Variants in AKR1A1 observed in about 807,000 individuals in gnomAD.
AKR1A1 encodes aldo-keto reductase family 1 member A1.
Under a neutral mutation model 39.2 loss-of-function variants are expected in AKR1A1, and 26 were observed. The ratio of observed to expected loss-of-function variants is 0.66; its 90% CI spans 0.49 to 0.92. AKR1A1 has a LOEUF of 0.92. Ranked by LOEUF, AKR1A1 falls within the 40% of genes least tolerant of loss-of-function variation. The pLI is 0.00. For synonymous variants in AKR1A1, 141 were observed against 155.5 expected, an observed-to-expected ratio of 0.91 and a Z score of 0.69; for missense variants, 378 against 406.5, an observed-to-expected ratio of 0.93 and a Z score of 0.60.
intron 2 of AKR1A1, among the ~76,000 whole-genome samples, chr1:45,562,941 G>A (rs1176471196): frequency 6.6e-6 from 1 of 151,838 alleles, no homozygotes; most frequent in East Asian, 2.0e-4. Context: ...GCAACACAGT[G>A]AGACCCCCGT....
intron 1 of AKR1A1, among the ~76,000 whole-genome samples, chr1:45,558,941 T>C (rs1644242830): frequency 6.6e-6 from 1 of 152,238 alleles, no homozygotes; most frequent in Non-Finnish European, 1.5e-5. Context: ...GTGATATTCA[T>C]GGTACTGATG....
intron 4 of AKR1A1, chr1:45,567,770 T>C: frequency 4.8e-6 from 2 of 415,310 alleles, no homozygotes; most frequent in South Asian, 7.0e-5. Flanking sequence ...GAGCTTGCAG[T>C]GAGCTGAGAT....
intron 1 of AKR1A1, among the ~76,000 whole-genome samples, chr1:45,555,518 C>T (rs1227606236): frequency 6.6e-6 from 1 of 152,064 alleles, no homozygotes; most frequent in East Asian, 1.9e-4. Context: ...ACCTATTTAC[C>T]TAGCATTTAG....
chr1:45,561,950 T>C, intron 2 of AKR1A1, 72 bp downstream of exon 2: 1 of 1,457,368 alleles, frequency 6.9e-7, no homozygotes, highest in Non-Finnish European at 9.6e-7. Context: ...CCCACCCCCA[T>C]ACTCCCCTTC....
intron 1 of AKR1A1, among the ~76,000 whole-genome samples, chr1:45,560,639 T>C (rs1381397714): frequency 2.0e-5 from 3 of 151,966 alleles, no homozygotes. Context: ...TAGGACTCCC[T>C]TTACCTCCCT....
In AKR1A1 at chr1:45,566,958, T is replaced by G; in HGVS notation, c.294T>G (p.Thr98=). 6.2e-7 allele frequency: 1 copy of G among 1,613,930 alleles called. No homozygotes were observed. Among genetic ancestry groups the G allele is most frequent in the Non-Finnish European group, 8.5e-7 (1 of 1,179,936 alleles). ...PEDVEPALRK[T]LADLQLEYLD... ...ATGTGGAGCCTGCCCTCCGGAAGAC[T>G]CTGGCTGACCTCCAGCTGGAGTATC... Residue 98 remains threonine, a synonymous_variant, in exon 4 of 9, where the codon ACT becomes ACG. Transcript: ENST00000351829.
chr1:45,566,372 C>T (rs1235958018), intron 2 of AKR1A1, among the ~76,000 whole-genome samples, 197 bp from the exon 3 acceptor site: 3 of 152,154 alleles, frequency 2.0e-5, no homozygotes, highest in Middle Eastern at 3.2e-3. Context: ...AGGGGATCTG[C>T]CCACCTCAGC....
chr1:45,568,027 C>A lies in AKR1A1; in HGVS notation c.402C>A (p.Cys134Ter), dbSNP rs1263331580. 1 of 1,613,900 alleles carries A rather than the reference C, an allele frequency of 6.2e-7. No homozygotes were observed. Reference protein sequence around the residue: ...PFPKNADGTICYDSTHYKETW... With the variant: ...PFPKNADGTI ...CCAAGAATGCTGATGGGACTATATGCTACGACTCCACCCACTACAAGGAGA... is the reference window on the plus strand; with the variant it reads ...CCAAGAATGCTGATGGGACTATATGATACGACTCCACCCACTACAAGGAGA... The change falls in exon 5 of 9, where the codon TGC becomes TGA. Residue 134 changes from cysteine to a stop codon, truncating the protein, a stop_gained. Coordinates refer to ENST00000351829, the MANE Select transcript of AKR1A1 (RefSeq NM_153326.3). LOFTEE classifies it high-confidence loss of function.
At position 45,568,920 on chromosome 1, in the gene AKR1A1, A is replaced by G; in HGVS notation, c.753-7A>G. ...CTTTTCCTCATCTGTCTAATCCCCC[A>G]ACTTAGGTGGCAGGTCCAGCGGAAA... On this transcript the variant is annotated splice_polypyrimidine_tract_variant and splice_region_variant and intron_variant, in intron 6 of 8. Transcript: ENST00000351829. The G allele has an allele frequency of 6.2e-7, 1 of 1,614,122 alleles. No individual in the cohort carries two copies. Among genetic ancestry groups the G allele is most frequent in the African/African-American group, 1.3e-5 (1 of 75,042 alleles).
At chr1:45,561,596 G>A (rs1257689542) in intron 1 of AKR1A1, among the ~76,000 whole-genome samples, 193 bp from the exon 2 acceptor site, 1 of 152,142 alleles carries the variant, frequency 6.6e-6, no homozygotes, top group Non-Finnish European at 1.5e-5. Context: ...TAGAGATGGG[G>A]TTTTACCATG....
At chr1:45,554,586 A>G (rs1048931533) in intron 1 of AKR1A1, among the ~76,000 whole-genome samples, 1 of 152,214 alleles carries the variant, frequency 6.6e-6, no homozygotes, top group Non-Finnish European at 1.5e-5. Context: ...CTCAAAAAGA[A>G]AAGTACAGGA....
chr1:45,568,687 A>G lies in AKR1A1; in HGVS notation c.752+3A>G. On this transcript the variant is annotated splice_donor_region_variant and intron_variant, in intron 6 of 8. Transcript: ENST00000351829. ...TCTCCAGCTCAGATCTTGCTCAGGTATGGGGCAGTCTTAGGGAGAGGGCCC... is the reference window on the plus strand; with the variant it reads ...TCTCCAGCTCAGATCTTGCTCAGGTGTGGGGCAGTCTTAGGGAGAGGGCCC... The G allele has an allele frequency of 1.2e-6, 2 of 1,613,216 alleles. No individual in the cohort carries two copies. Among genetic ancestry groups the G allele is most frequent in the Non-Finnish European group, 1.7e-6 (2 of 1,179,854 alleles).
intron 7 of AKR1A1, 54 bp downstream of exon 7, chr1:45,569,053 C>G: frequency 6.2e-7 from 1 of 1,607,244 alleles, no homozygotes; most frequent in Non-Finnish European, 8.5e-7. Flanking sequence ...TTTCTTGGCC[C>G]TGACTCTACC....
At chr1:45,568,898 T>C (rs1274126603) in intron 6 of AKR1A1, 29 bp from the exon 7 acceptor site, 32 of 1,611,682 alleles carry the variant, frequency 2.0e-5, no homozygotes, top group Non-Finnish European at 2.6e-5. Flanking sequence ...CTGACCCCTT[T>C]TCCTCATCTG....
intron 1 of AKR1A1, among the ~76,000 whole-genome samples, chr1:45,557,912 C>CTTTGTTTTTTTTTTTT (rs1644226448): frequency 8.9e-6 from 1 of 112,218 alleles, no homozygotes; most frequent in African/African-American, 3.5e-5. Flanking sequence ...CACAACTTGT[C>CTTTGTTTTTTTTTTTT]TTTTTTTTTT....
At chr1:45,568,437 C>G in intron 5 of AKR1A1, 48 bp from the exon 6 acceptor site, 1 of 1,602,824 alleles carries the variant, frequency 6.2e-7, no homozygotes, top group Non-Finnish European at 8.5e-7. Context: ...ATGGGCCAAG[C>G]AAGCTGGGTG....
intron 1 of AKR1A1, among the ~76,000 whole-genome samples, chr1:45,552,042 A>G (rs902690870): frequency 1.1e-3 from 174 of 152,028 alleles, no homozygotes; most frequent in African/African-American, 4.0e-3. Context: ...TCTAGGAGTG[A>G]GGGGTTCAGG....
At chr1:45,557,912 C>CTTTTTTTTTTCT (rs1644226524) in intron 1 of AKR1A1, among the ~76,000 whole-genome samples, 1 of 112,218 alleles carries the variant, frequency 8.9e-6, no homozygotes, top group Non-Finnish European at 1.7e-5. Context: ...CACAACTTGT[C>CTTTTTTTTTTCT]TTTTTTTTTT....
chr1:45,567,215 A>C, intron 4 of AKR1A1, 195 bp downstream of exon 4: 2 of 701,052 alleles, frequency 2.9e-6, no homozygotes, highest in Non-Finnish European at 4.6e-6. Flanking sequence ...CTCTGGAAAA[A>C]GGAAGGCAGT....
Sources: gnomAD v4.1 joint callset for allele counts (sites outside exome capture counted in the v4.1 genomes callset) on GRCh38, gnomAD v4.1.1 for gene constraint, MANE v1.5 for transcripts, NCBI Gene and HGNC (gene_info 2026-07-23, HGNC 2026-07-21) for gene names.